FER: variants seen among roughly 807,000 people sequenced by gnomAD.
FER encodes FER tyrosine kinase.
Under a neutral mutation model 111.0 loss-of-function variants are expected in FER, and 63 were observed. The ratio of observed to expected loss-of-function variants is 0.57; its 90% confidence interval spans 0.46 to 0.70. The LOEUF is 0.70. Among genes scored for constraint, FER ranks in the 30% least tolerant of loss-of-function variants. The pLI, the probability that FER is intolerant of heterozygous loss-of-function variation, is 0.00. For missense variants in FER, 914 were observed against 954.0 expected, an observed-to-expected ratio of 0.96 and a Z score of 0.55; for synonymous variants, 327 against 313.9, an observed-to-expected ratio of 1.04 and a Z score of -0.44.
At chr5:108,792,813 A>G (rs1420572229) in intron 2 of FER, among the ~76,000 whole-genome samples, 1 of 151,432 alleles carries the variant, frequency 6.6e-6, no homozygotes, top group Non-Finnish European at 1.5e-5. Context: ...TCTATATTGT[A>G]TAAATATAAT....
chr5:108,924,594 C>G (rs1028327805), intron 10 of FER: 6 of 1,230,096 alleles, frequency 4.9e-6, no homozygotes, highest in Non-Finnish European at 6.1e-6. Flanking sequence ...TTGCCTCACA[C>G]AGGAAGGTTT....
chr5:108,871,621 C>A, intron 7 of FER, 119 bp downstream of exon 7: 1 of 664,504 alleles, frequency 1.5e-6, no homozygotes, highest in Non-Finnish European at 2.3e-6. Flanking sequence ...TAGAATATTT[C>A]ATATTAATTT....
At chr5:108,881,841 C>T (rs1765710222) in intron 8 of FER, among the ~76,000 whole-genome samples, 1 of 151,834 alleles carries the variant, frequency 6.6e-6, no homozygotes, top group African/African-American at 2.4e-5. Flanking sequence ...TAATTACCTC[C>T]TAGAGGCTCC....
At chr5:108,947,949 T>G (rs1400138663) in intron 11 of FER, among the ~76,000 whole-genome samples, 2 of 152,030 alleles carry the variant, frequency 1.3e-5, no homozygotes, top group East Asian at 3.8e-4. Context: ...GTTGAGTTCC[T>G]GAGCTCAAGT....
At chr5:108,953,302 A>G (rs1400618494) in intron 11 of FER, among the ~76,000 whole-genome samples, 3 of 151,922 alleles carry the variant, frequency 2.0e-5, no homozygotes, top group Admixed American at 6.6e-5. Context: ...ACATTAAACC[A>G]TTTTTTGAAA....
Position 109,187,568 on chromosome 5 carries a change from TCA to T in FER, c.2465_2466del (p.Thr822IlefsTer19). 6.2e-7 allele frequency: 1 copy of T among 1,614,084 alleles called. No individual in the cohort carries two copies. The highest frequency in any genetic ancestry group is 8.5e-7 in the Non-Finnish European group (1 of 1,179,978). ...GAGCTCACTATCATCAAGAGAAAAC[TCA>T]CATAGTGACAGGATGGCGCCAAACT... On this transcript the variant is annotated frameshift_variant, in exon 20 of 20. Coordinates refer to ENST00000281092, the MANE Select transcript of FER (RefSeq NM_005246.4). LOFTEE classifies it high-confidence loss of function.
chr5:108,785,076 C>G (rs1381050182), intron 2 of FER: 2 of 410,796 alleles, frequency 4.9e-6, no homozygotes. Flanking sequence ...CGCTTCTTGC[C>G]TAACAGCAGC....
chr5:109,033,600 T>C (rs1342762653), intron 13 of FER, among the ~76,000 whole-genome samples: 1 of 152,136 alleles, frequency 6.6e-6, no homozygotes, highest in Non-Finnish European at 1.5e-5. Flanking sequence ...ATAACTGAAA[T>C]TGAATGTCTT....
intron 13 of FER, among the ~76,000 whole-genome samples, chr5:108,968,807 G>C (rs1031676120): frequency 5.3e-5 from 8 of 151,752 alleles, no homozygotes; most frequent in Non-Finnish European, 1.0e-4. Context: ...ACCACAAAAG[G>C]GTGAATCTCT....
At chr5:108,998,212 C>G (rs1360202409) in intron 13 of FER, among the ~76,000 whole-genome samples, 3 of 149,454 alleles carry the variant, frequency 2.0e-5, no homozygotes, top group Non-Finnish European at 4.4e-5. Flanking sequence ...AAAACTCTTG[C>G]AGCTAGCTAG....
intron 17 of FER, among the ~76,000 whole-genome samples, chr5:109,137,032 G>A (rs1752968234): frequency 6.6e-6 from 1 of 152,084 alleles, no homozygotes; most frequent in Admixed American, 6.6e-5. Context: ...CTAGTGCTGT[G>A]CGTTAAAATA....
intron 9 of FER, among the ~76,000 whole-genome samples, chr5:108,894,015 T>C (rs991210587): frequency 1.3e-5 from 2 of 151,000 alleles, no homozygotes; most frequent in Non-Finnish European, 2.9e-5. Flanking sequence ...ATTCCTGATG[T>C]GGGACAGATT....
At chr5:108,776,460 C>T (rs192001912) in intron 2 of FER, among the ~76,000 whole-genome samples, 5 of 152,160 alleles carry the variant, frequency 3.3e-5, no homozygotes, top group Admixed American at 1.3e-4. Flanking sequence ...AACAATATTT[C>T]CATCTTTGTA....
At chr5:109,161,367 G>A (rs1755972926) in intron 17 of FER, among the ~76,000 whole-genome samples, 1 of 152,010 alleles carries the variant, frequency 6.6e-6, no homozygotes, top group South Asian at 2.1e-4. Flanking sequence ...CAGGTATTAA[G>A]TCTAGTACCC....
intron 2 of FER, among the ~76,000 whole-genome samples, chr5:108,791,862 G>A (rs998331850): frequency 3.3e-5 from 5 of 152,172 alleles, no homozygotes; most frequent in East Asian, 3.9e-4. Flanking sequence ...TTTTGTGTGC[G>A]GTCCAAGGAA....
At chr5:108,755,059 A>G (rs547008292) in intron 1 of FER, among the ~76,000 whole-genome samples, 2 of 152,358 alleles carry the variant, frequency 1.3e-5, no homozygotes, top group East Asian at 3.9e-4. Flanking sequence ...GGAAAAGTTT[A>G]AGTGATCCCT....
intron 8 of FER, among the ~76,000 whole-genome samples, chr5:108,883,175 T>C (rs1296043091): frequency 1.3e-5 from 2 of 152,022 alleles, no homozygotes; most frequent in African/African-American, 4.8e-5. Context: ...TGAAATATTC[T>C]TTTTTCCACC....
chr5:109,015,780 T>C (rs948815449), intron 13 of FER, among the ~76,000 whole-genome samples: 2 of 152,200 alleles, frequency 1.3e-5, no homozygotes, highest in East Asian at 3.9e-4. Flanking sequence ...TTTTTTCAAC[T>C]TAAATTTTAG....
rs79838379 is a variant in FER at position 109,174,711 on chromosome 5, C to T, written c.2049-6036C>T. ...GTTTTTTAGGGGGCAGGGAGGGAGT[C>T]TGAAGTGTCACTTCCTTTCCTAAAG... On this transcript the variant is annotated intron_variant, in intron 17 of 19. Transcript: ENST00000281092. Among the ~76,000 whole-genome samples the T allele has an allele frequency of 8.0e-3, 1,217 of 152,302 alleles. 18 individuals carry two copies. Among genetic ancestry groups the T allele is most frequent in the African/African-American group, 0.028 (1,150 of 41,570 alleles).
Sources: allele counts gnomAD v4.1 joint callset (sites outside exome capture counted in the v4.1 genomes callset), GRCh38; gene constraint gnomAD v4.1.1; transcripts MANE v1.5; gene names NCBI Gene and HGNC (gene_info 2026-07-23, HGNC 2026-07-21).